The following MACROD2 variants were observed in gnomAD, a reference collection of about 807,000 sequenced individuals.
MACROD2 encodes the protein mono-ADP ribosylhydrolase 2.
A neutral mutation model predicts 70.4 loss-of-function variants in MACROD2; 36 were observed. That is an observed-to-expected ratio of 0.51 (90% CI 0.39 to 0.68). The LOEUF (loss-of-function observed/expected upper bound fraction) is 0.68. MACROD2 is among the 30% of genes least tolerant of loss of function. The pLI, the probability that MACROD2 is intolerant of heterozygous loss-of-function variation, is 0.00. For synonymous variants in MACROD2, 172 were observed against 178.8 expected (o/e 0.96, Z 0.30); for missense variants, 496 against 538.4 (o/e 0.92, Z 0.78).
intron 6 of MACROD2, among the ~76,000 whole-genome samples, chr20:15,401,442 C>T (rs567695148): frequency 2.0e-5 from 3 of 152,154 alleles, no homozygotes; most frequent in Non-Finnish European, 2.9e-5. Context: ...GCAACATGAC[C>T]TCCAAGGACA....
chr20:14,216,770 A>G (rs2081626602), intron 3 of MACROD2, among the ~76,000 whole-genome samples: 1 of 151,746 alleles, frequency 6.6e-6, no homozygotes, highest in African/African-American at 2.4e-5. Flanking sequence ...GTTTGCAGCT[A>G]TTGTAAAAGG....
intron 5 of MACROD2, among the ~76,000 whole-genome samples, chr20:14,996,685 C>G (rs1005167258): frequency 5.3e-5 from 8 of 152,120 alleles, no homozygotes; most frequent in African/African-American, 1.9e-4. Flanking sequence ...ATAATTTGTG[C>G]TTGGGAAAAG....
intron 7 of MACROD2, among the ~76,000 whole-genome samples, chr20:15,497,912 G>A (rs142629298): frequency 3.7e-4 from 57 of 152,234 alleles, no homozygotes; most frequent in African/African-American, 1.3e-3. Flanking sequence ...CTCATTAAAA[G>A]TATGACATAG....
chr20:15,827,904 T>C (rs16996627), intron 8 of MACROD2, among the ~76,000 whole-genome samples: 8,485 of 152,298 alleles, frequency 0.056, 430 homozygotes, highest in East Asian at 0.24. Flanking sequence ...GCATGGCTTC[T>C]GGAGACTTCT....
At chr20:15,446,113 T>C (rs942617713) in intron 7 of MACROD2, among the ~76,000 whole-genome samples, 4 of 152,216 alleles carry the variant, frequency 2.6e-5, no homozygotes, top group African/African-American at 9.6e-5. Flanking sequence ...ATACTTTCTC[T>C]AGGTCCCCAT....
intron 3 of MACROD2, among the ~76,000 whole-genome samples, chr20:14,234,969 A>C (rs1281128796): frequency 1.3e-5 from 2 of 152,202 alleles, no homozygotes; most frequent in Non-Finnish European, 2.9e-5. Flanking sequence ...ATATGGGTCA[A>C]AGTAATTTTT....
chr20:14,204,592 A>G (rs991936831), intron 3 of MACROD2, among the ~76,000 whole-genome samples: 1 of 152,310 alleles, frequency 6.6e-6, no homozygotes, highest in South Asian at 2.1e-4. Flanking sequence ...AGGGTCTGCA[A>G]TGGGAATGTG....
chr20:15,444,532 G>T (rs747945838), intron 7 of MACROD2, among the ~76,000 whole-genome samples: 1 of 152,106 alleles, frequency 6.6e-6, no homozygotes, highest in Non-Finnish European at 1.5e-5. Flanking sequence ...GGCCTATGCA[G>T]TGATGTAGGT....
chr20:14,226,405 G>T (rs963923393), intron 3 of MACROD2, among the ~76,000 whole-genome samples: 3 of 152,242 alleles, frequency 2.0e-5, no homozygotes, highest in Non-Finnish European at 1.5e-5. Context: ...CTCCCACTTT[G>T]GCGGCACTTG....
intron 6 of MACROD2, among the ~76,000 whole-genome samples, chr20:15,240,575 A>G (rs868258279): frequency 6.6e-6 from 1 of 152,212 alleles, no homozygotes; most frequent in African/African-American, 2.4e-5. Context: ...AAAGAAAAGA[A>G]GAAGAAGAAA....
chr20:15,819,501 ATATC>A (rs2063916314), intron 8 of MACROD2, among the ~76,000 whole-genome samples: 5 of 146,706 alleles, frequency 3.4e-5, no homozygotes, highest in African/African-American at 1.2e-4. Context: ...ATATAAATAT[ATATC>A]TATATCGATA....
At chr20:15,600,397 G>C (rs1040779961) in intron 8 of MACROD2, among the ~76,000 whole-genome samples, 14 of 152,136 alleles carry the variant, frequency 9.2e-5, no homozygotes, top group Admixed American at 9.2e-4. Flanking sequence ...TTAATTTCGT[G>C]TTGCTCATTA....
At chr20:15,449,315 G>A (rs1369401750) in intron 7 of MACROD2, among the ~76,000 whole-genome samples, 1 of 151,312 alleles carries the variant, frequency 6.6e-6, no homozygotes, top group Non-Finnish European at 1.5e-5. Flanking sequence ...ACAACAACAT[G>A]TGACTAGAGC....
At chr20:14,544,142 T>C (rs909617068) in intron 4 of MACROD2, among the ~76,000 whole-genome samples, 2 of 152,150 alleles carry the variant, frequency 1.3e-5, no homozygotes, top group Non-Finnish European at 2.9e-5. Context: ...CTATCCACTT[T>C]CTGATGACTC....
intron 9 of MACROD2, among the ~76,000 whole-genome samples, chr20:15,877,920 G>A (rs2147194689): frequency 6.6e-6 from 1 of 152,186 alleles, no homozygotes; most frequent in Non-Finnish European, 1.5e-5. Flanking sequence ...CTGAAAATTT[G>A]ACAAGGGAAT....
chr20:14,580,622 C>A (rs910925376), intron 4 of MACROD2, among the ~76,000 whole-genome samples: 2 of 152,140 alleles, frequency 1.3e-5, no homozygotes, highest in East Asian at 3.8e-4. Context: ...GCTGGCAAAG[C>A]CCTGGCTTCT....
At chr20:15,903,634 G>A (rs529457055) in intron 10 of MACROD2, among the ~76,000 whole-genome samples, 6 of 152,316 alleles carry the variant, frequency 3.9e-5, no homozygotes, top group Non-Finnish European at 5.9e-5. Flanking sequence ...GATGCCCTAC[G>A]ATGGAGATTA....
At chr20:15,366,618 A>T (rs374374346) in intron 6 of MACROD2, among the ~76,000 whole-genome samples, 1 of 151,718 alleles carries the variant, frequency 6.6e-6, no homozygotes, top group Non-Finnish European at 1.5e-5. Context: ...TGGTGCAATC[A>T]TAGCTCACTG....
chr20:14,228,338 CTTTTTTTT>C (rs11467676), intron 3 of MACROD2, among the ~76,000 whole-genome samples: 9 of 143,660 alleles, frequency 6.3e-5, no homozygotes, highest in South Asian at 2.2e-4. Flanking sequence ...AAATATTTTT[CTTTTTTTT>C]TTTTTTTTTG....
Sources: allele counts gnomAD v4.1 joint callset (sites outside exome capture counted in the v4.1 genomes callset), GRCh38; gene constraint gnomAD v4.1.1; transcripts MANE v1.5; gene names NCBI Gene and HGNC (gene_info 2026-07-23, HGNC 2026-07-21).